The following SLC25A28 variants were observed in gnomAD, a reference collection of about 807,000 sequenced individuals.
SLC25A28 encodes solute carrier family 25 member 28, also known as mitoferrin-2.
In SLC25A28, 10 loss-of-function variants were observed where a neutral mutation model predicts 31.9. That is an observed-to-expected ratio of 0.31 (90% CI 0.19 to 0.53). SLC25A28 has a LOEUF of 0.53. Among genes scored for constraint, SLC25A28 ranks in the 20% least tolerant of loss-of-function variants. SLC25A28 has a pLI of 0.95. For missense variants in SLC25A28, 256 were observed against 490.3 expected (o/e 0.52, Z 4.51); for synonymous variants, 208 against 203.6 (o/e 1.02, Z -0.19).
rs1373739597 is a variant in SLC25A28 at position 99,610,708 on chromosome 10, T to TA, written c.*140dup. ...AACAGAGGTTGGCAGGAACTGGTGTTAGTCAAAACACCAAAATCCTGGGGG... is the reference window on the plus strand; with the variant it reads ...AACAGAGGTTGGCAGGAACTGGTGTTAAGTCAAAACACCAAAATCCTGGGGG... On this transcript the variant is annotated 3_prime_UTR_variant, in exon 4 of 4. Coordinates refer to ENST00000370495, the MANE Select transcript of SLC25A28 (RefSeq NM_031212.4). The TA allele has an allele frequency of 9.6e-7, 1 of 1,040,288 alleles. No homozygotes were observed. The highest frequency in any genetic ancestry group is 1.6e-5 in the African/African-American group (1 of 62,504). 64.4% of individuals were successfully genotyped at this position (1,040,288 alleles called of 1,614,324 possible). A position where few individuals can be genotyped will look rare whatever the true frequency, so the allele number is the denominator to read the frequency against.
At chr10:99,644,105 A>C in the SLC25A28 span, among the ~76,000 whole-genome samples, 2 of 152,204 alleles carry the variant, frequency 1.3e-5, no homozygotes, top group African/African-American at 4.8e-5. Flanking sequence ...AGCTGAGTTC[A>C]ATTCCTGGAT....
chr10:99,636,078 CAACAAAGA>C, the SLC25A28 span, among the ~76,000 whole-genome samples: 198 of 152,268 alleles, frequency 1.3e-3, 1 homozygote, highest in African/African-American at 4.7e-3. Flanking sequence ...GACAGAAAGT[CAACAAAGA>C]AACAATGGAT....
intron 1 of SLC25A28, among the ~76,000 whole-genome samples, chr10:99,615,223 G>T (rs939203516): frequency 1.3e-5 from 2 of 152,046 alleles, no homozygotes; most frequent in Non-Finnish European, 1.5e-5. Flanking sequence ...CGGGCATGGT[G>T]GTGTGCACCT....
the SLC25A28 span, among the ~76,000 whole-genome samples, chr10:99,643,402 C>T: frequency 6.6e-6 from 1 of 152,116 alleles, no homozygotes; most frequent in East Asian, 1.9e-4. Context: ...TCTGTGGGAT[C>T]GGTGGTGATA....
the SLC25A28 span, among the ~76,000 whole-genome samples, chr10:99,636,381 C>A: frequency 6.6e-6 from 1 of 151,912 alleles, no homozygotes; most frequent in Admixed American, 6.6e-5. Flanking sequence ...AGCATTGGGT[C>A]AAAAACGAAT....
At chr10:99,616,911 A>C (rs2034669369) in intron 1 of SLC25A28, 5 of 962,356 alleles carry the variant, frequency 5.2e-6, no homozygotes, top group Non-Finnish European at 6.2e-6. Context: ...GGTACTTCAG[A>C]TAGTGCTTGG....
At chr10:99,619,894 G>T in intron 1 of SLC25A28, 151 bp downstream of exon 1, 1 of 734,134 alleles carries the variant, frequency 1.4e-6, no homozygotes, top group Non-Finnish European at 2.0e-6. Context: ...GACCTTGCTT[G>T]AATGGAGTGT....
At chr10:99,631,878 A>AAT in the SLC25A28 span, among the ~76,000 whole-genome samples, 1 of 92,904 alleles carries the variant, frequency 1.1e-5, no homozygotes, top group African/African-American at 4.1e-5. Flanking sequence ...TCAGTATGTT[A>AAT]TTTTTTTTTT....
the SLC25A28 span, among the ~76,000 whole-genome samples, chr10:99,642,873 A>G: frequency 0.85 from 129,562 of 151,710 alleles, 55,425 homozygotes; most frequent in Middle Eastern, 0.92. Flanking sequence ...TATGTTTATT[A>G]ATTTGCATAT....
the SLC25A28 span, among the ~76,000 whole-genome samples, chr10:99,649,913 A>AT: frequency 3.2e-4 from 49 of 151,526 alleles, no homozygotes; most frequent in African/African-American, 1.0e-3. Flanking sequence ...TCATTCATTG[A>AT]TTTTTTTTGG....
chr10:99,641,661 G>T, the SLC25A28 span, among the ~76,000 whole-genome samples: 1 of 152,148 alleles, frequency 6.6e-6, no homozygotes, highest in Admixed American at 6.5e-5. Flanking sequence ...GTCCTGAATG[G>T]TATGCCTAGG....
the SLC25A28 span, among the ~76,000 whole-genome samples, chr10:99,625,868 T>C: frequency 6.6e-6 from 1 of 152,232 alleles, no homozygotes; most frequent in Non-Finnish European, 1.5e-5. Context: ...CTTTAGCTGG[T>C]GGCAGAGCAA....
At chr10:99,628,111 CT>C in the SLC25A28 span, among the ~76,000 whole-genome samples, 2 of 152,158 alleles carry the variant, frequency 1.3e-5, no homozygotes, top group Non-Finnish European at 2.9e-5. Context: ...GTGAGAGAGC[CT>C]TATTTCATTT....
the SLC25A28 span, among the ~76,000 whole-genome samples, chr10:99,651,231 C>T: frequency 6.6e-6 from 1 of 152,188 alleles, no homozygotes; most frequent in Non-Finnish European, 1.5e-5. Context: ...TCTTCTGGTT[C>T]CTCTCCATGA....
In SLC25A28 at chr10:99,613,533, C is replaced by G; in HGVS notation, c.520+163G>C. The G allele has an allele frequency of 6.8e-7, 1 of 1,474,240 alleles. No individual in the cohort carries two copies. 91.3% of individuals were successfully genotyped at this position (1,474,240 alleles called of 1,614,324 possible). A position where few individuals can be genotyped will look rare whatever the true frequency, so the allele number is the denominator to read the frequency against. On this transcript the variant is annotated intron_variant, in intron 2 of 3. Transcript: ENST00000370495. The surrounding 1 kb of genome is among the most constrained non-coding windows in gnomAD (Gnocchi z 4.9). The stretch of plus-strand genomic sequence containing the variant: ...AAAGGAAAAGGCAGGGTTGAAGCGG[C>G]CCGTTGTCTGAGAACATCAGGTTTG...
upstream of SLC25A28, among the ~76,000 whole-genome samples, chr10:99,623,483 CT>C (rs2034829343): frequency 6.6e-6 from 1 of 152,194 alleles, no homozygotes; most frequent in Non-Finnish European, 1.5e-5. Flanking sequence ...TCATTCTGAA[CT>C]GTTTCTTCTG....
At position 99,610,959 on chromosome 10, in the gene SLC25A28, G is replaced by C; in HGVS notation, c.985C>G (p.Gln329Glu). The C allele has an allele frequency of 6.2e-7, 1 of 1,614,222 alleles. No homozygotes were observed. The highest frequency in any genetic ancestry group is 8.5e-7 in the Non-Finnish European group (1 of 1,180,044). Reference sequence around the variant, plus strand: ...GGGATCTGGTAAATTACTCTGGCCTGCACCCCTCGGAAATAGGCGGTCACC... The same window carrying C: ...GGGATCTGGTAAATTACTCTGGCCTCCACCCCTCGGAAATAGGCGGTCACC... ...GGVTAYFRGV[Q>E]ARVIYQIPST... The change falls in exon 4 of 4, where the codon CAG becomes GAG. Residue 329 changes from glutamine (Q) to glutamate (E), a missense_variant. Physicochemically the swap from Gln to Glu is conservative, Grantham distance 29 (BLOSUM62 2). Around this residue, in one of 4 missense-constraint regions of SLC25A28, gnomAD observed 158 missense variants for 379.1 expected, o/e 0.42. Coordinates refer to ENST00000370495, the MANE Select transcript of SLC25A28 (RefSeq NM_031212.4).
the SLC25A28 span, among the ~76,000 whole-genome samples, chr10:99,638,527 C>T: frequency 1.3e-5 from 2 of 152,138 alleles, no homozygotes; most frequent in Non-Finnish European, 2.9e-5. Context: ...AGAAAATATT[C>T]ACAATCTATA....
the SLC25A28 span, among the ~76,000 whole-genome samples, chr10:99,631,152 A>G: frequency 3.3e-5 from 5 of 152,176 alleles, no homozygotes; most frequent in African/African-American, 9.6e-5. Flanking sequence ...AGGCTTTGAA[A>G]GTCATGTTTC....
Sources: gnomAD v4.1 joint callset for allele counts (sites outside exome capture counted in the v4.1 genomes callset) on GRCh38, gnomAD v4.1.1 for gene constraint, gnomAD v4.1.1 regional missense constraint, Gnocchi (gnomAD v3.1) non-coding constraint, MANE v1.5 for transcripts, NCBI Gene and HGNC (gene_info 2026-07-23, HGNC 2026-07-21) for gene names.